SHOC1: variants seen among roughly 807,000 people sequenced by gnomAD.
The protein encoded by SHOC1 is protein shortage in chiasmata 1 ortholog.
SHOC1 carries 136 observed loss-of-function variants against 179.2 expected under a neutral mutation model. The ratio of observed to expected loss-of-function variants is 0.76; its 90% CI spans 0.66 to 0.87. SHOC1 has a LOEUF of 0.87. Among genes scored for constraint, SHOC1 ranks in the 40% least tolerant of loss-of-function variants. The pLI is 0.00. For synonymous variants in SHOC1, 489 were observed against 586.6 expected (o/e 0.83, Z 2.41); for missense variants, 1,538 against 1,700.8 (o/e 0.90, Z 1.68).
intron 10 of SHOC1, among the ~76,000 whole-genome samples, chr9:111,744,547 T>G (rs1162794272): frequency 6.6e-6 from 1 of 152,198 alleles, no homozygotes; most frequent in Admixed American, 6.6e-5. Context: ...CTCCAGCTGG[T>G]CCCAGTAATC....
At chr9:111,794,445 G>T (rs889803648) in intron 1 of SHOC1, among the ~76,000 whole-genome samples, 1 of 151,994 alleles carries the variant, frequency 6.6e-6, no homozygotes, top group Admixed American at 6.6e-5. Context: ...TTAGCCAGAC[G>T]TGGTGGAGGA....
chr9:111,716,657 C>T (rs1239966520), intron 16 of SHOC1, among the ~76,000 whole-genome samples: 1 of 152,274 alleles, frequency 6.6e-6, no homozygotes, highest in South Asian at 2.1e-4. Context: ...TCCCAAAGTG[C>T]TGGGATTACA....
intron 6 of SHOC1, among the ~76,000 whole-genome samples, chr9:111,758,434 A>G (rs1407720124): frequency 6.6e-6 from 1 of 152,250 alleles, no homozygotes; most frequent in Non-Finnish European, 1.5e-5. Context: ...TGTCTCTACT[A>G]AAAATACAAA....
intron 8 of SHOC1, among the ~76,000 whole-genome samples, chr9:111,748,934 C>G (rs957299828): frequency 7.0e-6 from 1 of 143,450 alleles, no homozygotes; most frequent in Non-Finnish European, 1.5e-5. Context: ...CTTCTCCACC[C>G]TAGATGTCTG....
At chr9:111,785,541 C>G (rs72752188) in intron 3 of SHOC1, among the ~76,000 whole-genome samples, 3,298 of 152,262 alleles carry the variant, frequency 0.022, 54 homozygotes, top group Non-Finnish European at 0.035. Flanking sequence ...AAACAAAAAA[C>G]TATTTTATAC....
At chr9:111,697,651 T>C (rs1831766203) in intron 24 of SHOC1, among the ~76,000 whole-genome samples, 1 of 152,214 alleles carries the variant, frequency 6.6e-6, no homozygotes, top group South Asian at 2.1e-4. Context: ...GCAATAAACA[T>C]ACGTGTGCAT....
chr9:111,773,424 T>C (rs1216482649), intron 5 of SHOC1, among the ~76,000 whole-genome samples: 2 of 152,110 alleles, frequency 1.3e-5, no homozygotes, highest in Admixed American at 1.3e-4. Context: ...GTGATTCTCC[T>C]GCCTCAGCCT....
At chr9:111,757,303 C>T (rs1834910489) in intron 7 of SHOC1, among the ~76,000 whole-genome samples, 1 of 152,124 alleles carries the variant, frequency 6.6e-6, no homozygotes, top group Admixed American at 6.5e-5. Flanking sequence ...AGAGTTTCAC[C>T]ATGTTAGCCA....
intron 3 of SHOC1, among the ~76,000 whole-genome samples, chr9:111,785,144 G>A (rs1272517653): frequency 2.0e-5 from 3 of 151,940 alleles, no homozygotes; most frequent in Non-Finnish European, 2.9e-5. Context: ...TTGCTTGAAG[G>A]GCTTTTCCCC....
chr9:111,785,448 A>G (rs1373260878), intron 3 of SHOC1, among the ~76,000 whole-genome samples: 2 of 152,198 alleles, frequency 1.3e-5, no homozygotes, highest in Non-Finnish European at 2.9e-5. Flanking sequence ...AGTGCTTGGT[A>G]CATAATATAT....
chr9:111,788,743 G>A (rs1199669203), intron 2 of SHOC1, among the ~76,000 whole-genome samples: 1 of 152,084 alleles, frequency 6.6e-6, no homozygotes, highest in African/African-American at 2.4e-5. Flanking sequence ...GTTACAACCA[G>A]CAAATTCATT....
chr9:111,692,221 G>A lies in SHOC1; in HGVS notation c.3756C>T (p.Thr1252=). ...TACAGCTGGAGTCTTTCCAGTAGCT[G>A]GTCTGATTGTATGAAGTCACAGGTG... ...FLPPVTSYNQ[T]SYWKDSSCKS... The change falls in exon 27 of 28, where the codon ACC becomes ACT. Residue 1252 remains threonine (T), a synonymous_variant. Coordinates refer to ENST00000682961, the MANE Select transcript of SHOC1 (RefSeq NM_001378211.1). The A allele has an allele frequency of 6.2e-7, 1 of 1,613,292 alleles. No individual in the cohort carries two copies. Among genetic ancestry groups the A allele is most frequent in the Non-Finnish European group, 8.5e-7 (1 of 1,179,372 alleles).
chr9:111,701,206 A>G (rs1831958012), intron 23 of SHOC1, among the ~76,000 whole-genome samples: 1 of 152,190 alleles, frequency 6.6e-6, no homozygotes, highest in Non-Finnish European at 1.5e-5. Context: ...ACACTAACAT[A>G]ATTCAAACAA....
chr9:111,739,402 G>A (rs1474107856), intron 11 of SHOC1, among the ~76,000 whole-genome samples: 1 of 151,936 alleles, frequency 6.6e-6, no homozygotes, highest in Admixed American at 6.6e-5. Flanking sequence ...CACAATCAAG[G>A]TAATGAACAT....
At position 111,751,073 on chromosome 9, in the gene SHOC1, C is replaced by T. The variant is rs111518249; in HGVS notation, c.863-2874G>A. 4.3e-3 allele frequency among the ~76,000 whole-genome samples: 661 copies of T among 152,180 alleles called. 3 individuals carry two copies. The highest frequency in any genetic ancestry group is 0.015 in the African/African-American group (618 of 41,534). ...AGTTTTCTGCATATAGCTCCGCCAG[C>T]TCCCCCAGCACCATTTATTAAATAA... On this transcript the variant is annotated intron_variant, in intron 8 of 27. Transcript: ENST00000682961.
At chr9:111,756,257 C>T (rs1339267834) in intron 8 of SHOC1, 68 bp downstream of exon 8, 1 of 1,304,786 alleles carries the variant, frequency 7.7e-7, no homozygotes, top group African/African-American at 1.5e-5. Context: ...TTTTAATAAA[C>T]AAGAACCTAT....
At chr9:111,712,991 A>C in intron 18 of SHOC1, 109 bp downstream of exon 18, 1 of 709,888 alleles carries the variant, frequency 1.4e-6, no homozygotes, top group South Asian at 1.8e-5. Flanking sequence ...CTAAGGGTGA[A>C]TTTCATGCTA....
At position 111,702,127 on chromosome 9, in the gene SHOC1, T is replaced by C. The variant is rs1399196993; in HGVS notation, c.3067A>G (p.Thr1023Ala). Reference sequence around the variant, plus strand: ...TACTCTGAATTTAATGTTTCTTTGGTATATAAAATTATCCAACAATATCTG... The same window carrying C: ...TACTCTGAATTTAATGTTTCTTTGGCATATAAAATTATCCAACAATATCTG... ...QYRYCWIILY[T>A]KETLNSEYLL... The change falls in exon 23 of 28, where the codon ACC (threonine) becomes GCC (alanine). Residue 1023 changes from threonine (T) to alanine (A), a missense_variant. Transcript: ENST00000682961. 1 of 1,487,072 alleles carries C rather than the reference T, an allele frequency of 6.7e-7. No individual in the cohort carries two copies. Among genetic ancestry groups the C allele is most frequent in the Admixed American group, 1.8e-5 (1 of 55,022 alleles). The allele number at this position is 1,487,072 out of a possible 1,614,324, so 92.1% of individuals were successfully genotyped here.
At chr9:111,753,172 C>T (rs1428442498) in intron 8 of SHOC1, among the ~76,000 whole-genome samples, 2 of 152,192 alleles carry the variant, frequency 1.3e-5, no homozygotes, top group Admixed American at 1.3e-4. Flanking sequence ...CTGTGGTAAT[C>T]AAGAACTACT....
Sources: allele counts gnomAD v4.1 joint callset (sites outside exome capture counted in the v4.1 genomes callset), GRCh38; gene constraint gnomAD v4.1.1; transcripts MANE v1.5; gene names NCBI Gene and HGNC (gene_info 2026-07-23, HGNC 2026-07-21).